Variants in APBA2 observed in about 807,000 individuals in gnomAD.
APBA2 encodes the protein amyloid-beta A4 precursor protein-binding family A member 2.
Under a neutral mutation model 75.0 loss-of-function variants are expected in APBA2, and 30 were observed. The ratio of observed to expected loss-of-function variants is 0.40; its 90% CI spans 0.30 to 0.54. APBA2 has a LOEUF of 0.54. Ranked by LOEUF, APBA2 falls within the 20% of genes least tolerant of loss-of-function variation. The probability of loss-of-function intolerance (pLI) is 0.49; values close to 1 mark genes in which losing one functional copy is unlikely to be tolerated. For synonymous variants in APBA2, 444 were observed against 409.6 expected, an observed-to-expected ratio of 1.08 and a Z score of -1.01; for missense variants, 801 against 1,016.1, an observed-to-expected ratio of 0.79 and a Z score of 2.88.
intron 3 of APBA2, among the ~76,000 whole-genome samples, chr15:29,025,563 C>T (rs949295079): frequency 1.3e-5 from 2 of 151,990 alleles, no homozygotes; most frequent in African/African-American, 2.4e-5. Context: ...TGAGGCACTG[C>T]GCCTGGCCAA....
chr15:29,100,860 C>T lies in APBA2; in HGVS notation c.1339-739C>T, dbSNP rs545126901. ...AGCCCCTGCTCCAGCAGAGACAGCCCGAGAGCTCACCTGACATCACGCCTC... is the reference window on the plus strand; with the variant it reads ...AGCCCCTGCTCCAGCAGAGACAGCCTGAGAGCTCACCTGACATCACGCCTC... On this transcript the variant is annotated intron_variant, in intron 9 of 14. Transcript: ENST00000683413. Among the ~76,000 whole-genome samples, 8 of 152,276 alleles carry T rather than the reference C, an allele frequency of 5.3e-5. No homozygotes were observed. In the South Asian group the frequency reaches 1.5e-3, roughly 28 times the overall value.
At chr15:28,970,189 G>C (rs750848426) in intron 2 of APBA2, 1 of 152,110 alleles carries the variant, frequency 6.6e-6, no homozygotes, top group Non-Finnish European at 1.5e-5. Flanking sequence ...ATACAGAGAC[G>C]TGTGGTTTCC....
intron 1 of APBA2, among the ~76,000 whole-genome samples, chr15:28,914,662 G>C (rs1839251826): frequency 6.6e-6 from 1 of 152,004 alleles, no homozygotes; most frequent in African/African-American, 2.4e-5. Context: ...CCCCTGCCCA[G>C]GAAAAGTTAC....
intron 1 of APBA2, among the ~76,000 whole-genome samples, chr15:28,902,050 A>C (rs148720406): frequency 0.71 from 107,545 of 150,612 alleles, 43,787 homozygotes; most frequent in Non-Finnish European, 0.9. Flanking sequence ...CAGGCATCAC[A>C]GATGGGGGCT....
intron 6 of APBA2, among the ~76,000 whole-genome samples, chr15:29,092,598 G>C (rs2043631143): frequency 6.6e-6 from 1 of 152,096 alleles, no homozygotes; most frequent in Non-Finnish European, 1.5e-5. Flanking sequence ...TGATGGGTGT[G>C]AGGAGCTACA....
At chr15:29,034,230 A>G (rs2040631612) in intron 3 of APBA2, among the ~76,000 whole-genome samples, 2 of 152,156 alleles carry the variant, frequency 1.3e-5, no homozygotes, top group South Asian at 2.1e-4. Flanking sequence ...GTTGAGCTCA[A>G]TATCTAGCCT....
chr15:28,917,755 A>G (rs1003467849), intron 1 of APBA2, among the ~76,000 whole-genome samples: 3 of 152,136 alleles, frequency 2.0e-5, no homozygotes, highest in African/African-American at 7.2e-5. Flanking sequence ...CTCAGCTACC[A>G]TGTCTTTGTT....
intron 6 of APBA2, among the ~76,000 whole-genome samples, chr15:29,089,631 G>A (rs1469840551): frequency 2.0e-5 from 3 of 152,166 alleles, no homozygotes; most frequent in Non-Finnish European, 4.4e-5. Flanking sequence ...CCTCAGGCTT[G>A]AAGCTGTGGG....
At chr15:29,051,630 G>A (rs531677251) in intron 3 of APBA2, among the ~76,000 whole-genome samples, 1 of 152,290 alleles carries the variant, frequency 6.6e-6, no homozygotes, top group East Asian at 1.9e-4. Context: ...TCATACTGCT[G>A]TAACCGTGAC....
At chr15:29,075,105 C>A in intron 5 of APBA2, 104 bp downstream of exon 5, 1 of 897,252 alleles carries the variant, frequency 1.1e-6, no homozygotes, top group Non-Finnish European at 1.8e-6. Context: ...TGTTCTCATC[C>A]CACCCGGTGC....
At position 29,105,405 on chromosome 15, in the gene APBA2, C is replaced by G. The variant is rs757322806; in HGVS notation, c.1551C>G (p.Gly517=). 6.2e-7 allele frequency: 1 copy of G among 1,612,638 alleles called. No homozygotes were observed. The highest frequency in any genetic ancestry group is 8.5e-7 in the Non-Finnish European group (1 of 1,179,990). ...CCCAGCTCATCGCCCAGTCTATCGGCCAGGCCTTCAGCGTGGCCTACCAGG... is the reference window on the plus strand; with the variant it reads ...CCCAGCTCATCGCCCAGTCTATCGGGCAGGCCTTCAGCGTGGCCTACCAGG... ...EDAQLIAQSI[G]QAFSVAYQEF... The change falls in exon 11 of 15, where the codon GGC becomes GGG. Residue 517 remains glycine (G), a synonymous_variant. Coordinates refer to ENST00000683413, the MANE Select transcript of APBA2 (RefSeq NM_001353788.2).
intron 3 of APBA2, among the ~76,000 whole-genome samples, chr15:28,997,168 A>G (rs915094141): frequency 5.9e-5 from 9 of 152,214 alleles, no homozygotes; most frequent in African/African-American, 2.2e-4. Context: ...CATTCTTGTC[A>G]CAAATGTCCT....
intron 2 of APBA2, among the ~76,000 whole-genome samples, chr15:28,982,124 C>A (rs1483917029): frequency 6.6e-6 from 1 of 152,154 alleles, no homozygotes; most frequent in East Asian, 1.9e-4. Context: ...AGGTAACAAA[C>A]CTGCACGTGG....
rs951453933 is a variant in APBA2 at position 29,042,349 on chromosome 15, T to C, written c.-40-11496T>C. Among the ~76,000 whole-genome samples, 3 of 152,160 alleles carry C rather than the reference T, an allele frequency of 2.0e-5. No individual in the cohort carries two copies. The South Asian group carries it at 6.2e-4, about 32-fold the overall frequency. The stretch of plus-strand genomic sequence containing the variant: ...GTGCAGTGGCCCGATCTCAGCTCAC[T>C]GCAACCTCTGCCTCCCGAGTTTAAG... On this transcript the variant is annotated intron_variant, in intron 3 of 14. Transcript: ENST00000683413.
intron 6 of APBA2, among the ~76,000 whole-genome samples, chr15:29,086,462 C>T (rs986833890): frequency 4.6e-5 from 7 of 152,182 alleles, no homozygotes; most frequent in African/African-American, 1.4e-4. Context: ...GATCAAATAA[C>T]GTCATGATTC....
chr15:28,952,811 CT>C (rs781453447), intron 2 of APBA2, among the ~76,000 whole-genome samples: 4 of 152,176 alleles, frequency 2.6e-5, no homozygotes, highest in Non-Finnish European at 4.4e-5. Context: ...TATTTATCTT[CT>C]TAGCAATCCT....
chr15:28,942,730 C>T (rs2035303325), intron 2 of APBA2, among the ~76,000 whole-genome samples: 1 of 152,196 alleles, frequency 6.6e-6, no homozygotes, highest in African/African-American at 2.4e-5. Flanking sequence ...GGTATCCTTA[C>T]CCCAGGACCC....
At chr15:29,079,745 G>A (rs558485761) in intron 6 of APBA2, among the ~76,000 whole-genome samples, 3 of 152,218 alleles carry the variant, frequency 2.0e-5, no homozygotes, top group African/African-American at 7.2e-5. Flanking sequence ...TGCCCTGAAG[G>A]GAAATGTTCC....
intron 1 of APBA2, among the ~76,000 whole-genome samples, chr15:28,917,841 G>A (rs1286270673): frequency 1.3e-5 from 2 of 152,134 alleles, no homozygotes; most frequent in Admixed American, 6.5e-5. Context: ...ACATCCTTTT[G>A]CACCCCGGCT....
Sources: gnomAD v4.1 joint callset for allele counts (sites outside exome capture counted in the v4.1 genomes callset) on GRCh38, gnomAD v4.1.1 for gene constraint, MANE v1.5 for transcripts, NCBI Gene and HGNC (gene_info 2026-07-23, HGNC 2026-07-21) for gene names.